The following SCAPER variants were observed in gnomAD, a reference collection of about 807,000 sequenced individuals.
SCAPER encodes the protein S phase cyclin A-associated protein in the endoplasmic reticulum.
A neutral mutation model predicts 182.2 loss-of-function variants in SCAPER; 98 were observed. That is an observed-to-expected ratio of 0.54 (90% CI 0.46 to 0.64). SCAPER has a LOEUF of 0.64. Among genes scored for constraint, SCAPER ranks in the 30% least tolerant of loss-of-function variants. The probability of loss-of-function intolerance (pLI) is 0.00; values close to 1 mark genes in which losing one functional copy is unlikely to be tolerated. For missense variants in SCAPER, 1,432 were observed against 1,690.0 expected (o/e 0.85, Z 2.68); for synonymous variants, 605 against 564.6 (o/e 1.07, Z -1.01).
intron 14 of SCAPER, among the ~76,000 whole-genome samples, chr15:76,759,449 G>A (rs1239784601): frequency 1.3e-5 from 2 of 152,046 alleles, no homozygotes; most frequent in Non-Finnish European, 2.9e-5. Context: ...ACCCACTCCT[G>A]CAATAAGAAC....
intron 2 of SCAPER, among the ~76,000 whole-genome samples, chr15:76,863,822 C>T (rs1022696934): frequency 1.3e-5 from 2 of 152,116 alleles, no homozygotes; most frequent in Non-Finnish European, 2.9e-5. Flanking sequence ...TTTGCAGCCT[C>T]CACCTGAGTC....
intron 2 of SCAPER, among the ~76,000 whole-genome samples, chr15:76,879,338 T>G (rs2073384982): frequency 6.6e-6 from 1 of 152,174 alleles, no homozygotes; most frequent in African/African-American, 2.4e-5. Context: ...GTAAGCACCT[T>G]TTGTCCCTAA....
intron 23 of SCAPER, among the ~76,000 whole-genome samples, chr15:76,568,431 C>T (rs1039551014): frequency 6.6e-6 from 1 of 152,096 alleles, no homozygotes; most frequent in African/African-American, 2.4e-5. Flanking sequence ...TCTTGGCTCA[C>T]TGCAACTTCT....
At chr15:76,475,054 A>AT (rs1425413883) in intron 24 of SCAPER, among the ~76,000 whole-genome samples, 1 of 152,164 alleles carries the variant, frequency 6.6e-6, no homozygotes, top group Non-Finnish European at 1.5e-5. Flanking sequence ...ACATGTCTAA[A>AT]TTTTCAAGAG....
intron 20 of SCAPER, among the ~76,000 whole-genome samples, chr15:76,692,147 G>C (rs1383583744): frequency 6.6e-6 from 1 of 152,110 alleles, no homozygotes; most frequent in Non-Finnish European, 1.5e-5. Flanking sequence ...AATCAGCATA[G>C]ATACAGAATA....
intron 21 of SCAPER, among the ~76,000 whole-genome samples, chr15:76,624,203 GATACAAA>G (rs1436980487): frequency 6.6e-6 from 1 of 152,142 alleles, no homozygotes; most frequent in African/African-American, 2.4e-5. Flanking sequence ...AAAGTTTCAG[GATACAAA>G]ATCAATGTAC....
chr15:76,711,775 G>T (rs1355395247), intron 17 of SCAPER, among the ~76,000 whole-genome samples: 8 of 151,982 alleles, frequency 5.3e-5, no homozygotes, highest in Non-Finnish European at 7.4e-5. Context: ...CCCATTTTTT[G>T]ATGGGGTTGT....
At chr15:76,610,165 C>T (rs10851888) in intron 22 of SCAPER, among the ~76,000 whole-genome samples, 41,516 of 151,990 alleles carry the variant, frequency 0.27, 6,446 homozygotes, top group East Asian at 0.55. Context: ...TAGCACTGTG[C>T]GCCCACTCCC....
At chr15:76,667,642 A>AC (rs2056696878) in intron 20 of SCAPER, among the ~76,000 whole-genome samples, 1 of 102,724 alleles carries the variant, frequency 9.7e-6, no homozygotes, top group African/African-American at 4.7e-5. Flanking sequence ...AAAAAAAAAA[A>AC]AAAAAAAAAA....
chr15:76,608,338 G>A (rs1477204340), intron 22 of SCAPER, among the ~76,000 whole-genome samples: 1 of 152,170 alleles, frequency 6.6e-6, no homozygotes, highest in African/African-American at 2.4e-5. Context: ...AGCGGATTTT[G>A]GTGAACCGCA....
chr15:76,616,670 G>A (rs994450417), intron 22 of SCAPER, among the ~76,000 whole-genome samples: 6 of 152,002 alleles, frequency 3.9e-5, no homozygotes, highest in Admixed American at 6.5e-5. Context: ...AAGTACAGTC[G>A]TAGCCATCTA....
intron 26 of SCAPER, among the ~76,000 whole-genome samples, chr15:76,421,069 C>T (rs1225454894): frequency 2.0e-5 from 3 of 152,078 alleles, no homozygotes; most frequent in African/African-American, 7.2e-5. Context: ...TGAATAGTGC[C>T]ACAATAAACA....
chr15:76,675,743 A>T (rs950095098), intron 20 of SCAPER, among the ~76,000 whole-genome samples: 5 of 152,164 alleles, frequency 3.3e-5, no homozygotes, highest in African/African-American at 7.2e-5. Context: ...TAGGTCCAGA[A>T]TCCAATACAC....
chr15:76,628,221 T>C (rs753900250), intron 21 of SCAPER, among the ~76,000 whole-genome samples: 2 of 152,218 alleles, frequency 1.3e-5, no homozygotes, highest in Non-Finnish European at 2.9e-5. Flanking sequence ...TTTCTCCCAT[T>C]CTGTAGGTTG....
chr15:76,695,607 AAG>A (rs1382758437), intron 20 of SCAPER, among the ~76,000 whole-genome samples: 2 of 151,822 alleles, frequency 1.3e-5, no homozygotes, highest in Non-Finnish European at 2.9e-5. Context: ...AAAAAAAAAA[AAG>A]AAAAAAGAAA....
intron 27 of SCAPER, among the ~76,000 whole-genome samples, chr15:76,403,182 G>A (rs1035014961): frequency 2.0e-5 from 3 of 152,212 alleles, no homozygotes; most frequent in African/African-American, 4.8e-5. Flanking sequence ...GGAACTAGCT[G>A]GGCAGCATGG....
intron 19 of SCAPER, 75 bp downstream of exon 19, chr15:76,702,775 G>A: frequency 1.3e-6 from 2 of 1,522,774 alleles, no homozygotes; most frequent in East Asian, 2.4e-5. Flanking sequence ...TTAAAAGACT[G>A]CAAGAATATA....
intron 1 of SCAPER, among the ~76,000 whole-genome samples, chr15:76,892,285 A>T (rs1360134652): frequency 6.6e-6 from 1 of 152,236 alleles, no homozygotes; most frequent in Non-Finnish European, 1.5e-5. Context: ...TGACTAAAAC[A>T]CCAAAAGCAA....
chr15:76,422,440 G>A (rs2046113495), intron 26 of SCAPER, among the ~76,000 whole-genome samples: 1 of 152,144 alleles, frequency 6.6e-6, no homozygotes, highest in African/African-American at 2.4e-5. Flanking sequence ...TGGAGTATAA[G>A]AATGCTTATG....
Sources: allele counts gnomAD v4.1 joint callset (sites outside exome capture counted in the v4.1 genomes callset), GRCh38; gene constraint gnomAD v4.1.1; transcripts MANE v1.5; gene names NCBI Gene and HGNC (gene_info 2026-07-23, HGNC 2026-07-21).